Variants in NCLN observed in about 807,000 individuals in gnomAD.
The protein encoded by NCLN is nicalin, also known as BOS complex subunit NCLN.
In NCLN, 34 loss-of-function variants were observed where a neutral mutation model predicts 69.5. The observed-to-expected ratio is 0.49, with a 90% confidence interval of 0.37 to 0.65. The LOEUF is 0.65. Among genes scored for constraint, NCLN ranks in the 30% least tolerant of loss-of-function variants. The pLI is 0.00. For synonymous variants in NCLN, 393 were observed against 358.3 expected (o/e 1.10, Z -1.09); for missense variants, 710 against 804.8 (o/e 0.88, Z 1.42).
At chr19:3,199,686 C>CT (rs1916072424) in intron 5 of NCLN, among the ~76,000 whole-genome samples, 1 of 137,980 alleles carries the variant, frequency 7.2e-6, no homozygotes, top group Non-Finnish European at 1.5e-5. Context: ...ACCCTGCCTC[C>CT]TCCTTTTTTT....
rs113255213 is a variant in NCLN, at chr19:3,197,508, C to G, written c.615+1231C>G. On this transcript the variant is annotated intron_variant, in intron 4 of 14. Coordinates refer to ENST00000246117, the MANE Select transcript of NCLN (RefSeq NM_020170.4). ...CCAGGCTGGAGTGCAGTGGCGCGAT[C>G]TCTGCTAACTGCAACCTCCGCCTCC... Among the ~76,000 whole-genome samples, 1,402 of 152,340 alleles carry G rather than the reference C, an allele frequency of 9.2e-3. 19 individuals carry two copies. The highest frequency in any genetic ancestry group is 0.032 in the African/African-American group (1,334 of 41,572).
intron 1 of NCLN, among the ~76,000 whole-genome samples, chr19:3,186,997 C>T (rs1043132503): frequency 6.6e-6 from 1 of 152,172 alleles, no homozygotes; most frequent in African/African-American, 2.4e-5. Context: ...CTGGTCTCCT[C>T]CCACGTCCCC....
chr19:3,202,663 C>G (rs983256354), intron 6 of NCLN, among the ~76,000 whole-genome samples: 2 of 152,134 alleles, frequency 1.3e-5, no homozygotes, highest in African/African-American at 4.8e-5. Flanking sequence ...AACTTGGACT[C>G]GAACTCCTGG....
chr19:3,193,307 G>C lies in NCLN; in HGVS notation c.399G>C (p.Glu133Asp), dbSNP rs1915877811. Reference sequence around the variant, plus strand: ...AGCAATTCATGGAGATCGAGCCGGAGATGCTGGCCATGGAGACCGCCGTCC... The same window carrying C: ...AGCAATTCATGGAGATCGAGCCGGACATGCTGGCCATGGAGACCGCCGTCC... ...VVRQFMEIEP[E>D]MLAMETAVPV... The change falls in exon 3 of 15, where the codon GAG (glutamate) becomes GAC (aspartate). Residue 133 changes from glutamate (E) to aspartate (D), a missense_variant. Coordinates refer to ENST00000246117, the MANE Select transcript of NCLN (RefSeq NM_020170.4). 1 of 1,612,820 alleles carries C rather than the reference G, an allele frequency of 6.2e-7. No individual in the cohort carries two copies. The highest frequency in any genetic ancestry group is 2.2e-5 in the East Asian group (1 of 44,888).
Position 3,188,922 on chromosome 19 carries a change from C to T in NCLN, c.184+2708C>T, listed in dbSNP as rs1448699421. The stretch of plus-strand genomic sequence containing the variant: ...GGGGTGGTTTGGGCCAGAGCCCTGC[C>T]GAGGACAGGCCCTTGAGAAGCCCCA... On this transcript the variant is annotated intron_variant, in intron 1 of 14. Transcript: ENST00000246117. Among the ~76,000 whole-genome samples, 7 of 152,204 alleles carry T rather than the reference C, an allele frequency of 4.6e-5. No individual in the cohort carries two copies. In the South Asian group the frequency reaches 6.2e-4, roughly 14 times the overall value.
chr19:3,188,350 C>T (rs1012542757), intron 1 of NCLN, among the ~76,000 whole-genome samples: 2 of 152,186 alleles, frequency 1.3e-5, no homozygotes, highest in African/African-American at 2.4e-5. Flanking sequence ...CCCGCAAGTC[C>T]GCCCAGGGAA....
intron 4 of NCLN, 79 bp downstream of exon 4, chr19:3,196,356 A>T: frequency 9.4e-7 from 1 of 1,067,392 alleles, no homozygotes; most frequent in Non-Finnish European, 1.3e-6. Context: ...GCTCGGCCGT[A>T]CTAGAGGGGA....
chr19:3,192,681 G>C, intron 2 of NCLN, 21 bp downstream of exon 2: 2 of 1,507,444 alleles, frequency 1.3e-6, no homozygotes, highest in East Asian at 2.4e-5. Flanking sequence ...GCCCTGCCCC[G>C]CCCGGCTCAG....
chr19:3,196,401 CT>C (rs1915956478), intron 4 of NCLN, 124 bp downstream of exon 4: 10 of 688,340 alleles, frequency 1.5e-5, no homozygotes, highest in Non-Finnish European at 2.4e-5. Context: ...GATCGCCCCC[CT>C]GCCTGGCTGA....
At chr19:3,207,597 C>G in intron 14 of NCLN, 32 bp from the exon 15 acceptor site, 1 of 1,611,852 alleles carries the variant, frequency 6.2e-7, no homozygotes, top group Non-Finnish European at 8.5e-7. Flanking sequence ...TGGCCCCGCC[C>G]ACATCCTCAC....
intron 1 of NCLN, among the ~76,000 whole-genome samples, chr19:3,189,138 C>T (rs751646192): frequency 1.3e-5 from 2 of 152,172 alleles, no homozygotes; most frequent in Non-Finnish European, 2.9e-5. Flanking sequence ...TCTCACTGGC[C>T]AGGTGCACAG....
chr19:3,206,248 C>G lies in NCLN; in HGVS notation c.1336-14C>G. On this transcript the variant is annotated splice_polypyrimidine_tract_variant and intron_variant, in intron 11 of 14. Coordinates refer to ENST00000246117, the MANE Select transcript of NCLN (RefSeq NM_020170.4). ...GGCGGGGCCAGGCCATGACTACCAC[C>G]ACCGTCCCTACAGCAGATCCAGCAG... is the stretch of plus-strand genomic sequence containing the variant. The G allele has an allele frequency of 6.5e-7, 1 of 1,541,460 alleles. No individual in the cohort carries two copies. Among genetic ancestry groups the G allele is most frequent in the Non-Finnish European group, 8.7e-7 (1 of 1,143,108 alleles).
chr19:3,189,269 C>A (rs1277936845), intron 1 of NCLN, among the ~76,000 whole-genome samples: 4 of 152,338 alleles, frequency 2.6e-5, no homozygotes, highest in East Asian at 3.9e-4. Flanking sequence ...AACCTTAGCA[C>A]CCCTTGGAGC....
rs549957539 is a variant in NCLN at position 3,198,715 on chromosome 19, G to A, written c.616-102G>A. On this transcript the variant is annotated intron_variant, in intron 4 of 14. Coordinates refer to ENST00000246117, the MANE Select transcript of NCLN (RefSeq NM_020170.4). ...GCTGAGGCCGATGCTGGCACCCAGC[G>A]GACGGGCCCCACGTGGCCCAGAGGG... The A allele has an allele frequency of 4.5e-5, 39 of 857,342 alleles. No homozygotes were observed. The South Asian group carries it at 5.8e-4, about 13-fold the overall frequency. The allele number at this position is 857,342 out of a possible 1,614,324, so 53.1% of individuals were successfully genotyped here. A position where few individuals can be genotyped will look rare whatever the true frequency, so the allele number is the denominator to read the frequency against.
intron 6 of NCLN, among the ~76,000 whole-genome samples, chr19:3,202,137 G>A (rs1366872013): frequency 6.6e-6 from 1 of 152,118 alleles, no homozygotes; most frequent in African/African-American, 2.4e-5. Flanking sequence ...ACGGGCCCCC[G>A]AGAGACTATG....
At position 3,193,488 on chromosome 19, in the gene NCLN, C is replaced by T. The variant is rs1001482316; in HGVS notation, c.520+60C>T. On this transcript the variant is annotated intron_variant, in intron 3 of 14. Coordinates refer to ENST00000246117, the MANE Select transcript of NCLN (RefSeq NM_020170.4). ...CGTGGGTGTGGGGAGGCGTCCCCAT[C>T]CCAAGGGCTGCGGTCACCCTGGGCT... The T allele has an allele frequency of 1.9e-5, 29 of 1,503,274 alleles. No individual in the cohort carries two copies. In the African/African-American group the frequency reaches 3.9e-4, roughly 20 times the overall value. The allele number at this position is 1,503,274 out of a possible 1,614,324, so 93.1% of individuals were successfully genotyped here.
In NCLN at chr19:3,207,745, C is replaced by A. The variant is rs775262120; in HGVS notation, c.*57C>A. 2 of 1,489,396 alleles carry A rather than the reference C, an allele frequency of 1.3e-6. No homozygotes were observed. Among genetic ancestry groups the A allele is most frequent in the Non-Finnish European group, 1.9e-6 (2 of 1,071,000 alleles). The allele number at this position is 1,489,396 out of a possible 1,614,324, so 92.3% of individuals were successfully genotyped here. On this transcript the variant is annotated 3_prime_UTR_variant, in exon 15 of 15. Coordinates refer to ENST00000246117, the MANE Select transcript of NCLN (RefSeq NM_020170.4). ...GCTCCACAGTCCCTGGGGCCGAGCA[C>A]GAGTGAGTGGACACTGCCCCGCCGC...
At chr19:3,200,856 C>T (rs1916108740) in intron 5 of NCLN, among the ~76,000 whole-genome samples, 1 of 152,148 alleles carries the variant, frequency 6.6e-6, no homozygotes, top group South Asian at 2.1e-4. Flanking sequence ...TGAACAGATC[C>T]TACACTGTGG....
chr19:3,189,953 C>A (rs1244016719), intron 1 of NCLN, among the ~76,000 whole-genome samples: 2 of 152,214 alleles, frequency 1.3e-5, no homozygotes, highest in Admixed American at 1.3e-4. Flanking sequence ...TGCTGGTGTC[C>A]CCCTCCGTTC....
Sources: allele counts gnomAD v4.1 joint callset (sites outside exome capture counted in the v4.1 genomes callset), GRCh38; gene constraint gnomAD v4.1.1; transcripts MANE v1.5; gene names NCBI Gene and HGNC (gene_info 2026-07-23, HGNC 2026-07-21).